Variants in NMT2 observed in about 807,000 individuals in gnomAD.
The protein encoded by NMT2 is N-myristoyltransferase 2.
NMT2 carries 35 observed loss-of-function variants against 65.4 expected under a neutral mutation model. The observed-to-expected ratio is 0.54, with a 90% CI of 0.41 to 0.71. NMT2 has a LOEUF of 0.71. NMT2 is among the 30% of genes least tolerant of loss of function. The probability of loss-of-function intolerance (pLI) is 0.00; values close to 1 mark genes in which losing one functional copy is unlikely to be tolerated. For synonymous variants in NMT2, 226 were observed against 231.8 expected (o/e 0.98, Z 0.23); for missense variants, 489 against 611.3 (o/e 0.80, Z 2.11).
Position 15,107,667 on chromosome 10 carries a change from C to G in NMT2, c.*1528G>C. 1.6e-6 allele frequency: 1 copy of G among 613,250 alleles called. No individual in the cohort carries two copies. 38.0% of individuals were successfully genotyped at this position (613,250 alleles called of 1,614,324 possible). On this transcript the variant is annotated 3_prime_UTR_variant, in exon 12 of 12. Coordinates refer to ENST00000378165, the MANE Select transcript of NMT2 (RefSeq NM_004808.3). ...ATGGGGTTTCACCATGTTGGCCAGGCTGGTCTCGAACCCCTGACCTCAAAT... is the reference window on the plus strand; with the variant it reads ...ATGGGGTTTCACCATGTTGGCCAGGGTGGTCTCGAACCCCTGACCTCAAAT...
intron 9 of NMT2, among the ~76,000 whole-genome samples, chr10:15,114,065 G>A (rs1218167162): frequency 3.3e-5 from 5 of 152,176 alleles, no homozygotes; most frequent in African/African-American, 7.2e-5. Context: ...AAAGGCTTCC[G>A]AGTCATTAGA....
At position 15,107,335 on chromosome 10, in the gene NMT2, G is replaced by C; in HGVS notation, c.*1860C>G. On this transcript the variant is annotated 3_prime_UTR_variant, in exon 12 of 12. Transcript: ENST00000378165. Reference sequence around the variant, plus strand: ...GCCATAGTTTGGTGGCCCCTGCCTGGGATAAGATATGATTGGTTTCACTGG... The same window carrying C: ...GCCATAGTTTGGTGGCCCCTGCCTGCGATAAGATATGATTGGTTTCACTGG... 1 of 985,214 alleles carries C rather than the reference G, an allele frequency of 1.0e-6. No individual in the cohort carries two copies. The highest frequency in any genetic ancestry group is 1.2e-6 in the Non-Finnish European group (1 of 829,772). 61.0% of individuals were successfully genotyped at this position (985,214 alleles called of 1,614,324 possible). A position where few individuals can be genotyped will look rare whatever the true frequency, so the allele number is the denominator to read the frequency against.
chr10:15,132,565 T>C (rs1846321961), intron 6 of NMT2, among the ~76,000 whole-genome samples: 1 of 152,054 alleles, frequency 6.6e-6, no homozygotes, highest in Non-Finnish European at 1.5e-5. Flanking sequence ...GTAGGTGGGA[T>C]TACAGGTGCC....
chr10:15,127,563 A>AT (rs1228606561), intron 8 of NMT2, among the ~76,000 whole-genome samples: 6 of 89,782 alleles, frequency 6.7e-5, no homozygotes, highest in Admixed American at 1.9e-4. Flanking sequence ...AAAAAAAAAA[A>AT]AAAAAAATAA....
At chr10:15,122,421 C>T (rs1157408241) in intron 8 of NMT2, among the ~76,000 whole-genome samples, 1 of 151,844 alleles carries the variant, frequency 6.6e-6, no homozygotes, top group Non-Finnish European at 1.5e-5. Flanking sequence ...CCCTTTTACA[C>T]TCTTTTTTTT....
chr10:15,124,908 T>C (rs1449327522), intron 8 of NMT2, among the ~76,000 whole-genome samples: 2 of 152,234 alleles, frequency 1.3e-5, no homozygotes, highest in East Asian at 3.8e-4. Context: ...CAATGAGAAC[T>C]GTTTGCATCT....
chr10:15,123,996 A>G (rs959265995), intron 8 of NMT2, among the ~76,000 whole-genome samples: 1 of 152,248 alleles, frequency 6.6e-6, no homozygotes, highest in Non-Finnish European at 1.5e-5. Flanking sequence ...TGATTCAAAA[A>G]GGAGCAAACA....
chr10:15,137,587 G>A (rs780604170), intron 2 of NMT2, among the ~76,000 whole-genome samples: 26 of 152,064 alleles, frequency 1.7e-4, no homozygotes, highest in Non-Finnish European at 1.2e-4. Flanking sequence ...TAGGAATTGA[G>A]ATCACAGCAT....
At chr10:15,132,737 T>A (rs1846327119) in intron 6 of NMT2, 80 bp downstream of exon 6, 1 of 1,076,176 alleles carries the variant, frequency 9.3e-7, no homozygotes, top group Non-Finnish European at 1.4e-6. Flanking sequence ...CTGCATTCAG[T>A]AACTTTTAAA....
chr10:15,109,580 AAT>A, intron 11 of NMT2, 120 bp downstream of exon 11: 16 of 791,476 alleles, frequency 2.0e-5, no homozygotes, highest in Non-Finnish European at 2.7e-5. Flanking sequence ...CAAAAAAATA[AAT>A]AAATAAATAA....
chr10:15,127,718 C>A (rs1223501301), intron 8 of NMT2, among the ~76,000 whole-genome samples: 1 of 151,558 alleles, frequency 6.6e-6, no homozygotes, highest in African/African-American at 2.4e-5. Flanking sequence ...GCCTGGCCAA[C>A]ATGGTGAAAC....
Position 15,132,813 on chromosome 10 carries a change from G to T in NMT2, c.719+4C>A. ...AAACCGCATGGACGAGCTTAAACAT[G>T]TACCTGTCATAAATCCGAATGTTTG... On this transcript the variant is annotated splice_donor_region_variant and intron_variant, in intron 6 of 11. Coordinates refer to ENST00000378165, the MANE Select transcript of NMT2 (RefSeq NM_004808.3). The T allele has an allele frequency of 6.3e-7, 1 of 1,586,180 alleles. No homozygotes were observed. The highest frequency in any genetic ancestry group is 8.6e-7 in the Non-Finnish European group (1 of 1,158,458).
intron 8 of NMT2, among the ~76,000 whole-genome samples, chr10:15,127,504 G>A (rs866774205): frequency 3.0e-4 from 36 of 119,896 alleles, no homozygotes; most frequent in African/African-American, 1.1e-3. Flanking sequence ...CCGAGATCCC[G>A]CCACTGCACT....
chr10:15,141,387 A>C, intron 2 of NMT2, 35 bp downstream of exon 2: 3 of 1,612,430 alleles, frequency 1.9e-6, no homozygotes, highest in Non-Finnish European at 1.7e-6. Flanking sequence ...TGCACGAGAA[A>C]CCACACAGAG....
At chr10:15,137,357 C>A (rs563981403) in intron 2 of NMT2, among the ~76,000 whole-genome samples, 1 of 152,130 alleles carries the variant, frequency 6.6e-6, no homozygotes, top group Non-Finnish European at 1.5e-5. Flanking sequence ...GTTTATCTTA[C>A]ATTTGTTTAA....
At chr10:15,137,089 AC>A (rs900766433) in intron 2 of NMT2, among the ~76,000 whole-genome samples, 2 of 152,070 alleles carry the variant, frequency 1.3e-5, no homozygotes, top group Admixed American at 6.6e-5. Context: ...GGTACAATCG[AC>A]CCTTAGAAGT....
At position 15,108,655 on chromosome 10, in the gene NMT2, C is replaced by T. The variant is rs1845400076; in HGVS notation, c.*540G>A. On this transcript the variant is annotated 3_prime_UTR_variant, in exon 12 of 12. Transcript: ENST00000378165. ...CAGTACATTTTAATATTGCTCTGCA[C>T]TTAAACAACCACCACCTGTCACTGA... The T allele has an allele frequency of 1.0e-6, 1 of 989,814 alleles. No homozygotes were observed. The highest frequency in any genetic ancestry group is 1.2e-6 in the Non-Finnish European group (1 of 833,268). The allele number at this position is 989,814 out of a possible 1,614,324, so 61.3% of individuals were successfully genotyped here.
At chr10:15,109,679 A>C in intron 11 of NMT2, 23 bp downstream of exon 11, 1 of 1,553,098 alleles carries the variant, frequency 6.4e-7, no homozygotes, top group Non-Finnish European at 8.7e-7. Context: ...TGAGTTTACA[A>C]GGGCTATATC....
At chr10:15,155,328 A>G (rs1031370443) in intron 1 of NMT2, 6 of 1,122,276 alleles carry the variant, frequency 5.3e-6, no homozygotes, top group Non-Finnish European at 8.1e-6. Context: ...CATGGCTGGT[A>G]GTACAGGGCT....
Sources: gnomAD v4.1 joint callset for allele counts (sites outside exome capture counted in the v4.1 genomes callset) on GRCh38, gnomAD v4.1.1 for gene constraint, MANE v1.5 for transcripts, NCBI Gene and HGNC (gene_info 2026-07-23, HGNC 2026-07-21) for gene names.